The following ETS1 variants were observed in gnomAD, a reference collection of about 807,000 sequenced individuals.
ETS1 encodes the protein ETS proto-oncogene 1, transcription factor, also known as protein C-ets-1.
ETS1 carries 15 observed loss-of-function variants against 58.6 expected under a neutral mutation model. The ratio of observed to expected loss-of-function variants is 0.26; its 90% confidence interval spans 0.17 to 0.39. ETS1 has a LOEUF of 0.39. Ranked by LOEUF, ETS1 falls within the 10% of genes least tolerant of loss-of-function variation. The pLI, the probability that ETS1 is intolerant of heterozygous loss-of-function variation, is 1.00. For missense variants in ETS1, 417 were observed against 610.5 expected, an observed-to-expected ratio of 0.68 and a Z score of 3.34; for synonymous variants, 214 against 218.2, an observed-to-expected ratio of 0.98 and a Z score of 0.17.
chr11:128,557,840 A>C (rs1324173452), intron 2 of ETS1, among the ~76,000 whole-genome samples: 1 of 152,236 alleles, frequency 6.6e-6, no homozygotes, highest in African/African-American at 2.4e-5. Flanking sequence ...CAACTCCCAG[A>C]AAGATTCTCC....
rs763269965 is a variant in ETS1 at position 128,485,034 on chromosome 11, C to T, written c.651G>A (p.Ser217=). 177 of 1,613,724 alleles carry T rather than the reference C, an allele frequency of 1.1e-4. No homozygotes were observed. The highest frequency in any genetic ancestry group is 1.4e-4 in the Non-Finnish European group (165 of 1,179,908). Residue 217 remains serine (S), a synonymous_variant, in exon 7 of 10, where the codon TCG becomes TCA. Transcript: ENST00000392668. The part of the protein sequence containing the change: ...GIEHAQCVPP[S]EFSEPSFITE... ...TGATGAAGCTGGGCTCTGAGAACTCCGATGGTGGAACACACTGGGCATGCT... is the reference window on the plus strand; with the variant it reads ...TGATGAAGCTGGGCTCTGAGAACTCTGATGGTGGAACACACTGGGCATGCT...
chr11:128,548,674 G>A (rs997243002), intron 3 of ETS1, among the ~76,000 whole-genome samples: 6 of 152,220 alleles, frequency 3.9e-5, no homozygotes, highest in African/African-American at 7.2e-5. Context: ...CAGGCCGAAG[G>A]GCGAGGTTCG....
chr11:128,558,202 C>A (rs1864344545), intron 2 of ETS1, among the ~76,000 whole-genome samples: 1 of 152,204 alleles, frequency 6.6e-6, no homozygotes, highest in Non-Finnish European at 1.5e-5. Context: ...AGTTGTGTTG[C>A]ATCGAAGGCT....
chr11:128,572,897 T>C (rs1406692147), intron 2 of ETS1, among the ~76,000 whole-genome samples, 165 bp downstream of exon 2: 3 of 152,312 alleles, frequency 2.0e-5, no homozygotes, highest in African/African-American at 4.8e-5. Flanking sequence ...GATAAAATCA[T>C]AGATAATCTT....
chr11:128,508,982 G>C (rs1000691129), intron 3 of ETS1, among the ~76,000 whole-genome samples: 1 of 152,120 alleles, frequency 6.6e-6, no homozygotes, highest in Admixed American at 6.5e-5. Context: ...CATGCCACTA[G>C]GCAGATATTT....
At chr11:128,528,964 G>T (rs1280494973) in intron 3 of ETS1, 4 of 152,180 alleles carry the variant, frequency 2.6e-5, no homozygotes, top group African/African-American at 9.7e-5. Context: ...TCAGTTGTTT[G>T]ATTGTCAGCC....
intron 6 of ETS1, among the ~76,000 whole-genome samples, 165 bp from the exon 7 acceptor site, chr11:128,485,236 C>G (rs1254779716): frequency 1.3e-5 from 2 of 152,270 alleles, no homozygotes; most frequent in East Asian, 3.9e-4. Flanking sequence ...CACTACTAAA[C>G]AGCTTTAGCC....
At position 128,467,193 on chromosome 11, in the gene ETS1, G is replaced by T. The variant is rs552758069; in HGVS notation, c.1124-3566C>A. Among the ~76,000 whole-genome samples the T allele has an allele frequency of 7.9e-5, 12 of 152,324 alleles. No homozygotes were observed. The East Asian group carries it at 1.7e-3, about 22-fold the overall frequency. ...CAGTTCCTGGCTGGGCCCGTGGATG[G>T]TCTAATACAGGAGCCTGTCTCCACA... On this transcript the variant is annotated intron_variant, in intron 8 of 9. Coordinates refer to ENST00000392668, the MANE Select transcript of ETS1 (RefSeq NM_001143820.2).
At position 128,489,270 on chromosome 11, in the gene ETS1, C is replaced by G; in HGVS notation, c.535+20G>C. 6.2e-7 allele frequency: 1 copy of G among 1,610,164 alleles called. No homozygotes were observed. Among genetic ancestry groups the G allele is most frequent in the South Asian group, 1.1e-5 (1 of 90,990 alleles). On this transcript the variant is annotated intron_variant, in intron 5 of 9. Coordinates refer to ENST00000392668, the MANE Select transcript of ETS1 (RefSeq NM_001143820.2). ...GCAACCCCACATAACCTCCACCTCT[C>G]TCTGTTTCCACATATTTACCTTTCT...
At chr11:128,480,057 A>T in intron 8 of ETS1, 134 bp downstream of exon 8, 1 of 1,192,366 alleles carries the variant, frequency 8.4e-7, no homozygotes, top group Non-Finnish European at 1.1e-6. Context: ...AAGAATTCTT[A>T]GAGAGACTTC....
chr11:128,469,974 T>A (rs1862141200), intron 8 of ETS1, among the ~76,000 whole-genome samples: 1 of 152,210 alleles, frequency 6.6e-6, no homozygotes, highest in African/African-American at 2.4e-5. Flanking sequence ...CAGTGGCTAA[T>A]AACTCAAGGG....
At chr11:128,510,093 G>A (rs1863352019) in intron 3 of ETS1, among the ~76,000 whole-genome samples, 1 of 152,128 alleles carries the variant, frequency 6.6e-6, no homozygotes, top group South Asian at 2.1e-4. Flanking sequence ...GTGTAAGATT[G>A]AACTCTTGAT....
chr11:128,537,316 G>T (rs955007795), intron 3 of ETS1, among the ~76,000 whole-genome samples: 4 of 152,150 alleles, frequency 2.6e-5, no homozygotes, highest in African/African-American at 9.6e-5. Flanking sequence ...GAGTGTGTAG[G>T]GGGAGAGGGA....
At chr11:128,586,740 AAC>A (rs1185068191) in intron 1 of ETS1, among the ~76,000 whole-genome samples, 1 of 152,230 alleles carries the variant, frequency 6.6e-6, no homozygotes, top group Non-Finnish European at 1.5e-5. Context: ...AAAAGTTGGT[AAC>A]AGAGACCTTT....
intron 2 of ETS1, among the ~76,000 whole-genome samples, chr11:128,557,070 T>C (rs1864324308): frequency 6.6e-6 from 1 of 152,220 alleles, no homozygotes; most frequent in Non-Finnish European, 1.5e-5. Flanking sequence ...ACAGATGTGC[T>C]GTGTGGAAGG....
At chr11:128,578,437 C>T (rs556729484) in intron 1 of ETS1, among the ~76,000 whole-genome samples, 14 of 152,192 alleles carry the variant, frequency 9.2e-5, no homozygotes, top group African/African-American at 2.6e-4. Flanking sequence ...AGAAAAACTA[C>T]GCTTTTAGGT....
intron 8 of ETS1, among the ~76,000 whole-genome samples, chr11:128,469,847 A>C (rs2135420353): frequency 6.6e-6 from 1 of 152,256 alleles, no homozygotes; most frequent in South Asian, 2.1e-4. Context: ...CCCCACCCTG[A>C]CCCAATCTTA....
intron 1 of ETS1, among the ~76,000 whole-genome samples, chr11:128,576,815 C>T (rs1864760178): frequency 6.6e-6 from 1 of 152,064 alleles, no homozygotes; most frequent in African/African-American, 2.4e-5. Context: ...ATGTTACCCC[C>T]TCTGCTAGGA....
intron 8 of ETS1, among the ~76,000 whole-genome samples, chr11:128,468,620 C>T (rs768367688): frequency 6.6e-5 from 10 of 152,116 alleles, no homozygotes; most frequent in Non-Finnish European, 1.0e-4. Context: ...GAGAGGAGAA[C>T]ACAGGAGTTT....
Sources: gnomAD v4.1 joint callset for allele counts (sites outside exome capture counted in the v4.1 genomes callset) on GRCh38, gnomAD v4.1.1 for gene constraint, MANE v1.5 for transcripts, NCBI Gene and HGNC (gene_info 2026-07-23, HGNC 2026-07-21) for gene names.